The following WARS2 variants were observed in gnomAD, a reference collection of about 807,000 sequenced individuals.
The protein encoded by WARS2 is tryptophan--tRNA ligase, mitochondrial.
WARS2 carries 28 observed loss-of-function variants against 36.5 expected under a neutral mutation model. That is an observed-to-expected ratio of 0.77 (90% CI 0.57 to 1.05). The LOEUF (loss-of-function observed/expected upper bound fraction) is 1.05. Among genes scored for constraint, WARS2 ranks in the 50% least tolerant of loss-of-function variants. WARS2 has a pLI of 0.00. For missense variants in WARS2, 435 were observed against 456.8 expected, an observed-to-expected ratio of 0.95 and a Z score of 0.44; for synonymous variants, 174 against 178.4, an observed-to-expected ratio of 0.98 and a Z score of 0.20.
chr1:119,111,113 T>A (rs759616287), intron 1 of WARS2, among the ~76,000 whole-genome samples: 58 of 152,208 alleles, frequency 3.8e-4, no homozygotes, highest in Non-Finnish European at 7.9e-4. Context: ...ATAATTCTCA[T>A]ATTCCTGACA....
chr1:119,075,215 C>T (rs587646535), intron 2 of WARS2, among the ~76,000 whole-genome samples: 16 of 151,186 alleles, frequency 1.1e-4, no homozygotes, highest in East Asian at 3.9e-4. Context: ...AACAATACCA[C>T]GATAGAAAAA....
At chr1:119,109,823 C>G (rs146619903) in intron 1 of WARS2, among the ~76,000 whole-genome samples, 6 of 151,568 alleles carry the variant, frequency 4.0e-5, no homozygotes, top group Admixed American at 2.0e-4. Context: ...TTTTTGTCTT[C>G]CATACTTTTC....
intron 1 of WARS2, among the ~76,000 whole-genome samples, chr1:119,103,122 G>T (rs1321061146): frequency 6.6e-6 from 1 of 152,218 alleles, no homozygotes; most frequent in Non-Finnish European, 1.5e-5. Context: ...TTGTGTCAAA[G>T]AATTGCTCAT....
intron 2 of WARS2, among the ~76,000 whole-genome samples, chr1:119,055,303 G>A (rs760018772): frequency 3.3e-5 from 5 of 152,022 alleles, no homozygotes; most frequent in Admixed American, 6.6e-5. Context: ...AGAGAGAAAC[G>A]AAATGGCTAG....
chr1:119,096,232 T>C (rs61808898), intron 1 of WARS2, among the ~76,000 whole-genome samples: 59,815 of 151,978 alleles, frequency 0.39, 12,421 homozygotes, highest in African/African-American at 0.51. Context: ...TGTATTTCAA[T>C]TGTAAAGTAA....
At chr1:119,102,757 C>T (rs1044011377) in intron 1 of WARS2, among the ~76,000 whole-genome samples, 9 of 152,148 alleles carry the variant, frequency 5.9e-5, no homozygotes, top group Admixed American at 5.9e-4. Flanking sequence ...CTTTCTTACC[C>T]ACAGAATTAC....
chr1:119,076,663 A>G, intron 1 of WARS2, 56 bp from the exon 2 acceptor site: 1 of 1,601,382 alleles, frequency 6.2e-7, no homozygotes, highest in East Asian at 2.2e-5. Context: ...CATGAATCCT[A>G]TGCCCATGTT....
At chr1:119,140,433 T>C in intron 1 of WARS2, 122 bp downstream of exon 1, 2 of 842,226 alleles carry the variant, frequency 2.4e-6, no homozygotes, top group Non-Finnish European at 1.9e-6. Flanking sequence ...GAGTAGACCT[T>C]AGGCGAGGGA....
At chr1:119,057,768 T>C (rs1388556689) in intron 2 of WARS2, among the ~76,000 whole-genome samples, 3 of 151,548 alleles carry the variant, frequency 2.0e-5, no homozygotes, top group Non-Finnish European at 2.9e-5. Context: ...CCAGCCTGGA[T>C]GCAGAGCAAG....
intron 1 of WARS2, chr1:119,086,000 G>C (rs992797849): frequency 1.3e-6 from 2 of 1,592,286 alleles, no homozygotes; most frequent in Non-Finnish European, 1.7e-6. Flanking sequence ...GCCCAGGCAA[G>C]GCAGTGTGGC....
At position 119,034,096 on chromosome 1, in the gene WARS2, G is replaced by A. The variant is rs200208856; in HGVS notation, c.633C>T (p.Leu211=). The A allele has an allele frequency of 3.1e-6, 5 of 1,611,662 alleles. No individual in the cohort carries two copies. Among genetic ancestry groups the A allele is most frequent in the African/African-American group, 1.3e-5 (1 of 74,984 alleles). Residue 211 remains leucine (L), a splice_region_variant and synonymous_variant, in exon 5 of 6, where the codon CTC becomes CTT. Transcript: ENST00000235521. ...GEFFPVPESI[L]TSMKKVKSLR... ...AACAATTATAAGTTTCTTACTTACT[G>A]AGAATGGACTCGGGCACTGGAAAGA...
intron 1 of WARS2, among the ~76,000 whole-genome samples, chr1:119,100,451 A>G (rs183657017): frequency 6.6e-6 from 1 of 152,336 alleles, no homozygotes; most frequent in Admixed American, 6.5e-5. Flanking sequence ...TATCTGCCCA[A>G]AGAAAAAGAA....
intron 1 of WARS2, among the ~76,000 whole-genome samples, chr1:119,091,755 G>C (rs1653061369): frequency 2.0e-5 from 3 of 152,160 alleles, no homozygotes; most frequent in Admixed American, 2.0e-4. Context: ...CCAACAGGAA[G>C]GGGGAAGGAA....
In WARS2 at chr1:119,110,897, C is replaced by T. The variant is rs190895655; in HGVS notation, c.90+29658G>A. 9.3e-4 allele frequency among the ~76,000 whole-genome samples: 142 copies of T among 152,152 alleles called. 2 individuals carry two copies. The highest frequency in any genetic ancestry group is 1.2e-4 in the Non-Finnish European group (8 of 67,988). ...TTCTGTTGTCTCAAGCTCAGAGGTC[C>T]TTTCAACAACTATGTCCACCCTACT... On this transcript the variant is annotated intron_variant, in intron 1 of 5. Transcript: ENST00000235521.
chr1:119,076,590 T>C lies in WARS2; in HGVS notation c.108A>G (p.Arg36=). The C allele has an allele frequency of 1.9e-6, 3 of 1,614,200 alleles. No individual in the cohort carries two copies. Among genetic ancestry groups the C allele is most frequent in the Non-Finnish European group, 2.5e-6 (3 of 1,180,026 alleles). Reference sequence around the variant, plus strand: ...CTGTAGGTTGAATGCCGGAAAATACTCGCTTCTTGCTGTCTTTCTGGAACA... The same window carrying C: ...CTGTAGGTTGAATGCCGGAAAATACCCGCTTCTTGCTGTCTTTCTGGAACA... ...APALQKDSKK[R]VFSGIQPTGI... is the part of the protein sequence containing the mutation. The change falls in exon 2 of 6, where the codon CGA becomes CGG. Residue 36 remains arginine, a synonymous_variant. Coordinates refer to ENST00000235521, the MANE Select transcript of WARS2 (RefSeq NM_015836.4).
chr1:119,048,584 G>A (rs1350168079), intron 2 of WARS2, among the ~76,000 whole-genome samples: 2 of 152,134 alleles, frequency 1.3e-5, no homozygotes, highest in Non-Finnish European at 2.9e-5. Context: ...TACAGAAGTG[G>A]GGAAAGAAGG....
At chr1:119,083,079 A>G (rs1197826237) in intron 1 of WARS2, among the ~76,000 whole-genome samples, 1 of 152,056 alleles carries the variant, frequency 6.6e-6, no homozygotes, top group East Asian at 1.9e-4. Flanking sequence ...AAATACAAAA[A>G]TTAGCCAGGC....
chr1:119,129,118 A>G (rs1402092439), intron 1 of WARS2, among the ~76,000 whole-genome samples: 1 of 152,154 alleles, frequency 6.6e-6, no homozygotes, highest in African/African-American at 2.4e-5. Flanking sequence ...AGACTGCAAG[A>G]GAATGTTTGT....
chr1:119,046,154 T>C (rs971327865), intron 2 of WARS2, among the ~76,000 whole-genome samples: 7 of 152,146 alleles, frequency 4.6e-5, no homozygotes, highest in Non-Finnish European at 1.0e-4. Context: ...ACATTAAAGA[T>C]TGAATTCTTT....
Sources: gnomAD v4.1 joint callset for allele counts (sites outside exome capture counted in the v4.1 genomes callset) on GRCh38, gnomAD v4.1.1 for gene constraint, MANE v1.5 for transcripts, NCBI Gene and HGNC (gene_info 2026-07-23, HGNC 2026-07-21) for gene names.